The following CSRNP3 variants were observed in gnomAD, a reference collection of about 807,000 sequenced individuals.
The protein encoded by CSRNP3 is cysteine/serine-rich nuclear protein 3.
CSRNP3 carries 12 observed loss-of-function variants against 48.0 expected under a neutral mutation model. The ratio of observed to expected loss-of-function variants is 0.25; its 90% CI spans 0.16 to 0.41. The LOEUF is 0.41. Ranked by LOEUF, CSRNP3 falls within the 10% of genes least tolerant of loss-of-function variation. CSRNP3 has a pLI of 1.00. For missense variants in CSRNP3, 580 were observed against 724.4 expected (o/e 0.80, Z 2.29); for synonymous variants, 263 against 269.7 (o/e 0.98, Z 0.24).
At chr2:165,591,489 G>A (rs1164385434) in intron 3 of CSRNP3, among the ~76,000 whole-genome samples, 1 of 152,124 alleles carries the variant, frequency 6.6e-6, no homozygotes, top group Non-Finnish European at 1.5e-5. Context: ...TGTCTCCAGG[G>A]CATGTCAGAG....
intron 5 of CSRNP3, among the ~76,000 whole-genome samples, chr2:165,673,155 T>TTTTTTA (rs367832445): frequency 2.1e-5 from 3 of 144,018 alleles, no homozygotes; most frequent in East Asian, 2.0e-4. Flanking sequence ...TTTTTTTTTT[T>TTTTTTA]GAGACAGGGC....
At chr2:165,520,764 AATATATTATATATATATATTATATATAT>A (rs1274466260) in intron 3 of CSRNP3, among the ~76,000 whole-genome samples, 2 of 45,422 alleles carry the variant, frequency 4.4e-5, no homozygotes, top group African/African-American at 3.2e-4. Context: ...GATATATAGA[AATATATTATATATATATATTATATATAT>A]ATATATATAT....
rs187692432 is a variant in CSRNP3 at position 165,478,244 on chromosome 2, A to T, written c.-283+8504A>T. Among the ~76,000 whole-genome samples, 841 of 152,310 alleles carry T rather than the reference A, an allele frequency of 5.5e-3. 30 individuals carry two copies. The highest frequency in any genetic ancestry group is 0.048 in the Admixed American group (729 of 15,280). On this transcript the variant is annotated intron_variant, in intron 1 of 6. Coordinates refer to ENST00000651982, the MANE Select transcript of CSRNP3 (RefSeq NM_001172173.2). ...AAAGAGCCTCTAACTCAAAGGCTGA[A>T]ACATGGTCTACATTTTACAATTTTC...
chr2:165,507,454 T>A (rs912274199), intron 2 of CSRNP3, among the ~76,000 whole-genome samples: 1 of 152,168 alleles, frequency 6.6e-6, no homozygotes, highest in Admixed American at 6.5e-5. Flanking sequence ...ATTATATTTT[T>A]AAAAAATCTT....
intron 1 of CSRNP3, among the ~76,000 whole-genome samples, chr2:165,473,527 C>T (rs552849804): frequency 6.6e-6 from 1 of 152,206 alleles, no homozygotes; most frequent in Non-Finnish European, 1.5e-5. Context: ...TACTATAGTA[C>T]ATCACAACTC....
intron 1 of CSRNP3, among the ~76,000 whole-genome samples, chr2:165,471,241 GT>G (rs1306029485): frequency 3.3e-5 from 5 of 151,898 alleles, no homozygotes; most frequent in African/African-American, 7.2e-5. Context: ...ATTTTGAACT[GT>G]TTCTGGATTT....
chr2:165,563,937 C>A (rs1429447446), intron 3 of CSRNP3, among the ~76,000 whole-genome samples: 1 of 152,082 alleles, frequency 6.6e-6, no homozygotes, highest in Non-Finnish European at 1.5e-5. Flanking sequence ...CCGCTCCCCC[C>A]AGACAAGTAA....
At chr2:165,492,716 T>C (rs1413812747) in intron 1 of CSRNP3, among the ~76,000 whole-genome samples, 2 of 109,738 alleles carry the variant, frequency 1.8e-5, no homozygotes, top group South Asian at 3.3e-4. Flanking sequence ...AAGTAAGCAC[T>C]ATTAGAGTAA....
intron 4 of CSRNP3, among the ~76,000 whole-genome samples, chr2:165,595,422 A>G (rs961484448): frequency 3.3e-5 from 5 of 152,220 alleles, no homozygotes; most frequent in Non-Finnish European, 5.9e-5. Flanking sequence ...ATTTGATTGT[A>G]TTAATTAACT....
At chr2:165,478,886 C>T (rs972756395) in intron 1 of CSRNP3, among the ~76,000 whole-genome samples, 1 of 152,106 alleles carries the variant, frequency 6.6e-6, no homozygotes, top group African/African-American at 2.4e-5. Context: ...TAAGGGCAAA[C>T]AAGATAACAT....
At chr2:165,547,126 T>C (rs1220917238) in intron 3 of CSRNP3, among the ~76,000 whole-genome samples, 2 of 152,216 alleles carry the variant, frequency 1.3e-5, no homozygotes, top group African/African-American at 4.8e-5. Flanking sequence ...TGGTATTCTT[T>C]CTGCTTTGAA....
At chr2:165,489,837 TATC>T (rs1298363858) in intron 1 of CSRNP3, among the ~76,000 whole-genome samples, 1 of 116,398 alleles carries the variant, frequency 8.6e-6, no homozygotes, top group Non-Finnish European at 1.7e-5. Context: ...CCACAGCCAA[TATC>T]ATACTGAATG....
intron 3 of CSRNP3, among the ~76,000 whole-genome samples, chr2:165,543,499 C>G (rs1684984420): frequency 6.6e-6 from 1 of 151,980 alleles, no homozygotes. Context: ...AGTTCAAATA[C>G]ATTGTTTTCT....
At chr2:165,632,317 T>C (rs1181856408) in intron 4 of CSRNP3, among the ~76,000 whole-genome samples, 1 of 151,492 alleles carries the variant, frequency 6.6e-6, no homozygotes, top group Admixed American at 6.6e-5. Flanking sequence ...AGGCCAGGAG[T>C]TCAAGACCAG....
In CSRNP3 at chr2:165,595,106, G is replaced by T. The variant is rs1371020003; in HGVS notation, c.41G>T (p.Gly14Val). 6.2e-7 allele frequency: 1 copy of T among 1,614,060 alleles called. No individual in the cohort carries two copies. Among genetic ancestry groups the T allele is most frequent in the South Asian group, 1.1e-5 (1 of 91,082 alleles). Reference sequence around the variant, plus strand: ...AAGAGGAAGTTTGAAGAAGTTGACGGCTCCTCACCCTGCTCCTCTGTGAGG... The same window carrying T: ...AAGAGGAAGTTTGAAGAAGTTGACGTCTCCTCACCCTGCTCCTCTGTGAGG... ...ILKRKFEEVD[G>V]SSPCSSVRES... Residue 14 changes from glycine to valine, a missense_variant, in exon 4 of 7, where the codon GGC becomes GTC. This residue lies in a region of CSRNP3 where 83 missense variants were observed against 139.6 expected (regional missense o/e 0.59). Transcript: ENST00000651982.
At chr2:165,528,266 C>T (rs1460591829) in intron 3 of CSRNP3, among the ~76,000 whole-genome samples, 2 of 152,090 alleles carry the variant, frequency 1.3e-5, no homozygotes, top group Non-Finnish European at 2.9e-5. Context: ...TCCTAATTTG[C>T]ATATTATTTC....
At chr2:165,628,798 G>A (rs545956511) in intron 4 of CSRNP3, among the ~76,000 whole-genome samples, 57 of 152,152 alleles carry the variant, frequency 3.7e-4, no homozygotes, top group Non-Finnish European at 7.4e-4. Context: ...CGGGCACAGT[G>A]GCTCGTGCCT....
chr2:165,578,564 C>G (rs1266240841), intron 3 of CSRNP3, among the ~76,000 whole-genome samples: 1 of 151,944 alleles, frequency 6.6e-6, no homozygotes, highest in Non-Finnish European at 1.5e-5. Flanking sequence ...AGATCTAGTC[C>G]AACATATTTG....
At chr2:165,500,371 G>A (rs547713223) in intron 2 of CSRNP3, among the ~76,000 whole-genome samples, 27 of 147,314 alleles carry the variant, frequency 1.8e-4, no homozygotes, top group Non-Finnish European at 2.8e-4. Context: ...ATACATATAT[G>A]TATATGCGTA....
Sources: gnomAD v4.1 joint callset for allele counts (sites outside exome capture counted in the v4.1 genomes callset) on GRCh38, gnomAD v4.1.1 for gene constraint, gnomAD v4.1.1 regional missense constraint, MANE v1.5 for transcripts, NCBI Gene and HGNC (gene_info 2026-07-23, HGNC 2026-07-21) for gene names.